Variants in NLGN4Y observed in about 807,000 individuals in gnomAD.
NLGN4Y encodes neuroligin-4, Y-linked.
Under a neutral mutation model 8.4 loss-of-function variants are expected in NLGN4Y, and 4 were observed. That is an observed-to-expected ratio of 0.48 (90% confidence interval 0.23 to 1.09). NLGN4Y has a LOEUF of 1.09. Among genes scored for constraint, NLGN4Y ranks in the 50% least tolerant of loss-of-function variants. The pLI, the probability that NLGN4Y is intolerant of heterozygous loss-of-function variation, is 0.19. For missense variants in NLGN4Y, 90 were observed against 192.3 expected, an observed-to-expected ratio of 0.47 and a Z score of 3.15; for synonymous variants, 35 against 75.6, an observed-to-expected ratio of 0.46 and a Z score of 2.78.
chrY:14,784,592 G>A (rs2042954847), intron 4 of NLGN4Y, among the ~76,000 whole-genome samples: 1 of 29,669 alleles, frequency 3.4e-5, no homozygotes, highest in Non-Finnish European at 8.1e-5. Flanking sequence ...CCCGGGAGGC[G>A]GAGCTTGCAG....
chrY:14,586,294 G>A, intron 1 of NLGN4Y, among the ~76,000 whole-genome samples: 1 of 32,998 alleles, frequency 3.0e-5, no homozygotes, highest in Non-Finnish European at 7.4e-5. Flanking sequence ...AAGAGTGTAG[G>A]CTGTCAGAGA....
At chrY:14,669,609 C>T (rs2080703591) in intron 2 of NLGN4Y, among the ~76,000 whole-genome samples, 1 of 33,432 alleles carries the variant, frequency 3.0e-5, no homozygotes, top group South Asian at 6.6e-4. Flanking sequence ...AAAAGACTTA[C>T]ACAAACCCCC....
chrY:14,678,187 A>AT (rs2080756524), intron 2 of NLGN4Y, among the ~76,000 whole-genome samples: 1 of 33,335 alleles, frequency 3.0e-5, no homozygotes, highest in Admixed American at 2.8e-4. Context: ...AGAAAAGGGG[A>AT]TTTTTTTATA....
chrY:14,796,373 C>T, intron 4 of NLGN4Y, among the ~76,000 whole-genome samples: 1 of 31,752 alleles, frequency 3.1e-5, no homozygotes, highest in Non-Finnish European at 7.6e-5. Context: ...GCGGGCGGAT[C>T]ACGAGGTCAG....
At chrY:14,827,471 A>G in intron 5 of NLGN4Y, among the ~76,000 whole-genome samples, 1 of 33,592 alleles carries the variant, frequency 3.0e-5, no homozygotes, top group Non-Finnish European at 7.3e-5. Flanking sequence ...ACAGCCCATC[A>G]GTATTATCAA....
intron 2 of NLGN4Y, among the ~76,000 whole-genome samples, chrY:14,712,512 C>A (rs2080902772): frequency 3.0e-5 from 1 of 32,983 alleles, no homozygotes; most frequent in East Asian, 8.1e-4. Context: ...TCCCTCAGAG[C>A]AGCCTGTTTT....
intron 1 of NLGN4Y, among the ~76,000 whole-genome samples, chrY:14,548,932 T>C: frequency 3.0e-5 from 1 of 33,405 alleles, no homozygotes; most frequent in Non-Finnish European, 7.4e-5. Flanking sequence ...TACTGGCCTA[T>C]GTAGCCTTGC....
rs771827636 is a variant in NLGN4Y at position 14,723,262 on chromosome Y, A to T, written c.678A>T (p.Gly226=). Residue 226 remains glycine (G), a synonymous_variant, in exon 4 of 7, where the codon GGA becomes GGT. Coordinates refer to ENST00000684976, the MANE Select transcript of NLGN4Y (RefSeq NM_001365588.1). ...VIVITINYRL[G]ILGFLSTGDQ... is the part of the protein sequence containing the mutation. ...TTATCACCATTAACTACCGTCTGGG[A>T]ATACTAGGTAAGTGATTTCATCATG... 32 of 394,938 alleles carry T rather than the reference A, an allele frequency of 8.1e-5. No individual in the cohort carries two copies. In the East Asian group the frequency reaches 2.6e-3, roughly 32 times the overall value.
chrY:14,786,865 G>C (rs1016679182), intron 4 of NLGN4Y, among the ~76,000 whole-genome samples: 3 of 32,066 alleles, frequency 9.4e-5, no homozygotes. Context: ...TACTTAATGA[G>C]AGGTTTCCAA....
At chrY:14,603,939 C>A (rs2080437163) in intron 1 of NLGN4Y, among the ~76,000 whole-genome samples, 1 of 32,987 alleles carries the variant, frequency 3.0e-5, no homozygotes, top group Non-Finnish European at 7.5e-5. Context: ...TGGGCAGGAA[C>A]TCATTCTTAA....
chrY:14,755,546 C>G (rs2081053865), intron 4 of NLGN4Y, among the ~76,000 whole-genome samples: 1 of 33,947 alleles, frequency 2.9e-5, no homozygotes, highest in Non-Finnish European at 7.3e-5. Flanking sequence ...AAAAATCATT[C>G]CAGGCCAGGA....
chrY:14,579,570 A>G (rs765949105), intron 1 of NLGN4Y, among the ~76,000 whole-genome samples: 1 of 32,497 alleles, frequency 3.1e-5, no homozygotes, highest in South Asian at 7.2e-4. Context: ...AAAATTAGCC[A>G]GTATGGTGGC....
At chrY:14,792,926 T>G in intron 4 of NLGN4Y, among the ~76,000 whole-genome samples, 1 of 24,802 alleles carries the variant, frequency 4.0e-5, no homozygotes, top group Non-Finnish European at 8.9e-5. Flanking sequence ...AGGAGAAATT[T>G]GGAGGCATAT....
chrY:14,694,627 T>C (rs2080821920), intron 2 of NLGN4Y, among the ~76,000 whole-genome samples: 1 of 33,592 alleles, frequency 3.0e-5, no homozygotes. Context: ...TGTGATGTCC[T>C]GAGCCAGCAT....
chrY:14,637,175 G>A (rs1603501807), intron 2 of NLGN4Y, among the ~76,000 whole-genome samples: 1 of 32,800 alleles, frequency 3.0e-5, no homozygotes, highest in Non-Finnish European at 7.5e-5. Flanking sequence ...TACCTATGCA[G>A]CAAAACTGCA....
intron 5 of NLGN4Y, among the ~76,000 whole-genome samples, chrY:14,825,412 CTT>C (rs2043140506): frequency 3.3e-5 from 1 of 30,495 alleles, no homozygotes; most frequent in South Asian, 8.3e-4. Flanking sequence ...CCCCTTCTCT[CTT>C]TGTCTCTCTT....
intron 1 of NLGN4Y, among the ~76,000 whole-genome samples, chrY:14,601,785 C>T: frequency 3.1e-5 from 1 of 32,624 alleles, no homozygotes; most frequent in Non-Finnish European, 7.5e-5. Flanking sequence ...AAAATTAGCT[C>T]GGCAGTGCCT....
chrY:14,581,998 A>G, intron 1 of NLGN4Y, among the ~76,000 whole-genome samples: 1 of 33,923 alleles, frequency 2.9e-5, no homozygotes, highest in Non-Finnish European at 7.3e-5. Flanking sequence ...TTGAGGAGCC[A>G]CTTTTATCCT....
chrY:14,555,695 C>G, intron 1 of NLGN4Y, among the ~76,000 whole-genome samples: 1 of 33,448 alleles, frequency 3.0e-5, no homozygotes, highest in African/African-American at 1.2e-4. Flanking sequence ...TGTTCTAGAG[C>G]TCTCATGATC....
Sources: allele counts gnomAD v4.1 joint callset (sites outside exome capture counted in the v4.1 genomes callset), GRCh38; gene constraint gnomAD v4.1.1; transcripts MANE v1.5; gene names NCBI Gene and HGNC (gene_info 2026-07-23, HGNC 2026-07-21).